The following FRMD4A variants were observed in gnomAD, a reference collection of about 807,000 sequenced individuals.
The protein encoded by FRMD4A is FERM domain containing 4A.
In FRMD4A, 29 loss-of-function variants were observed where a neutral mutation model predicts 129.1. The ratio of observed to expected loss-of-function variants is 0.22; its 90% CI spans 0.17 to 0.31. The LOEUF is 0.31. FRMD4A is among the 10% of genes least tolerant of loss of function. The probability of loss-of-function intolerance (pLI) is 1.00; values close to 1 mark genes in which losing one functional copy is unlikely to be tolerated. For synonymous variants in FRMD4A, 634 were observed against 571.6 expected (o/e 1.11, Z -1.56); for missense variants, 1,272 against 1,375.8 (o/e 0.92, Z 1.19).
In FRMD4A at chr10:14,251,246, G is replaced by A. The variant is rs141401053; in HGVS notation, c.45+78812C>T. ...GCAGAAGTCAAGGAGTGTCACTTCTGGGATTTGATTATAAAAAGATTTTAG... is the reference window on the plus strand; with the variant it reads ...GCAGAAGTCAAGGAGTGTCACTTCTAGGATTTGATTATAAAAAGATTTTAG... On this transcript the variant is annotated intron_variant, in intron 2 of 24. Transcript: ENST00000357447. 2.6e-4 allele frequency among the ~76,000 whole-genome samples: 40 copies of A among 152,242 alleles called. 1 individual carries two copies. In the East Asian group the frequency reaches 7.3e-3, roughly 28 times the overall value.
At chr10:13,759,188 C>G (rs1440659582) in intron 8 of FRMD4A, among the ~76,000 whole-genome samples, 3 of 152,192 alleles carry the variant, frequency 2.0e-5, no homozygotes, top group Non-Finnish European at 4.4e-5. Context: ...TGTCTGACCT[C>G]TCCCCTCTCC....
intron 2 of FRMD4A, among the ~76,000 whole-genome samples, chr10:13,916,827 A>T (rs2095013335): frequency 6.6e-6 from 1 of 151,398 alleles, no homozygotes; most frequent in African/African-American, 2.5e-5. Flanking sequence ...TGTTTTTAGG[A>T]GAAGAAGAAA....
At chr10:13,884,162 A>ACACACACACACTCACACG (rs781772320) in intron 2 of FRMD4A, among the ~76,000 whole-genome samples, 65 of 16,304 alleles carry the variant, frequency 4.0e-3, no homozygotes, top group East Asian at 0.012. Flanking sequence ...ACTCTCACAC[A>ACACACACACACTCACACG]CACACTCACA....
At chr10:13,769,209 T>TTGTGTG (rs10558943) in intron 6 of FRMD4A, among the ~76,000 whole-genome samples, 1,893 of 145,152 alleles carry the variant, frequency 0.013, 76 homozygotes, top group South Asian at 0.11. Context: ...AAGAGATGGG[T>TTGTGTG]TGTGTGTGTG....
In FRMD4A at chr10:14,039,378, C is replaced by CTAT. The variant is rs1565204348; in HGVS notation, c.46-180467_46-180466insATA. Among the ~76,000 whole-genome samples the CTAT allele has an allele frequency of 2.1e-3, 294 of 137,776 alleles. 1 individual carries two copies. Among genetic ancestry groups the CTAT allele is most frequent in the African/African-American group, 6.6e-3 (231 of 34,876 alleles). 90.4% of individuals were successfully genotyped at this position (137,776 alleles called of 152,430 possible). ...CTGATCTGTCCGTCCGTCCATCCAT[C>CTAT]CATCCATCCATCCATCCATCCATCC... On this transcript the variant is annotated intron_variant, in intron 2 of 24. Transcript: ENST00000357447.
At chr10:14,276,991 A>G (rs976051756) in intron 2 of FRMD4A, among the ~76,000 whole-genome samples, 1 of 152,122 alleles carries the variant, frequency 6.6e-6, no homozygotes, top group African/African-American at 2.4e-5. Flanking sequence ...CAGCCTCCCA[A>G]GTAGCTGAGA....
chr10:13,944,615 C>T (rs1007654883), intron 2 of FRMD4A, among the ~76,000 whole-genome samples: 3 of 152,122 alleles, frequency 2.0e-5, no homozygotes, highest in African/African-American at 4.8e-5. Flanking sequence ...TGGGACCATA[C>T]ACCCTTCAAC....
intron 16 of FRMD4A, among the ~76,000 whole-genome samples, chr10:13,672,302 A>G (rs1314441197): frequency 6.6e-6 from 1 of 151,956 alleles, no homozygotes; most frequent in Admixed American, 6.5e-5. Flanking sequence ...TTCTTTAAAA[A>G]AAAAATGTGG....
chr10:14,284,900 C>A (rs1359582036), intron 2 of FRMD4A, among the ~76,000 whole-genome samples: 1 of 152,144 alleles, frequency 6.6e-6, no homozygotes, highest in Non-Finnish European at 1.5e-5. Context: ...TTCTCTTATA[C>A]CCGCAGGAGG....
At chr10:14,266,248 G>C in intron 2 of FRMD4A, among the ~76,000 whole-genome samples, 1 of 152,052 alleles carries the variant, frequency 6.6e-6, no homozygotes, top group East Asian at 1.9e-4. Flanking sequence ...TAGTGCCCCC[G>C]AATTGTGACA....
At chr10:14,043,277 G>A (rs1833857809) in intron 2 of FRMD4A, among the ~76,000 whole-genome samples, 1 of 152,112 alleles carries the variant, frequency 6.6e-6, no homozygotes, top group Non-Finnish European at 1.5e-5. Flanking sequence ...CTAGCCATAT[G>A]TCCCATGTTA....
chr10:13,776,448 A>T (rs114588350), intron 6 of FRMD4A, among the ~76,000 whole-genome samples: 514 of 152,316 alleles, frequency 3.4e-3, no homozygotes, highest in African/African-American at 0.012. Flanking sequence ...AACAACCTAA[A>T]AGTGAATCAA....
chr10:14,185,761 C>T (rs187895649), intron 2 of FRMD4A, among the ~76,000 whole-genome samples: 4 of 152,250 alleles, frequency 2.6e-5, no homozygotes, highest in African/African-American at 9.6e-5. Flanking sequence ...AGGCTAGTAC[C>T]AGCCAAAGCA....
At chr10:13,793,332 T>C (rs1172573986) in intron 5 of FRMD4A, among the ~76,000 whole-genome samples, 1 of 152,060 alleles carries the variant, frequency 6.6e-6, no homozygotes, top group Non-Finnish European at 1.5e-5. Context: ...CCATCATTCC[T>C]AGCTAATTTT....
chr10:14,287,921 C>T (rs549152010), intron 2 of FRMD4A, among the ~76,000 whole-genome samples: 16 of 151,944 alleles, frequency 1.1e-4, no homozygotes, highest in Non-Finnish European at 1.9e-4. Flanking sequence ...AGCTCTTATC[C>T]AAAAATCTCA....
Position 13,813,101 on chromosome 10 carries a change from G to A in FRMD4A, c.112-2193C>T, listed in dbSNP as rs571520874. Among the ~76,000 whole-genome samples, 4 of 152,356 alleles carry A rather than the reference G, an allele frequency of 2.6e-5. No homozygotes were observed. In the East Asian group the frequency reaches 7.7e-4, roughly 29 times the overall value. ...AAGTATTCGGCTGCCCAATAACAAA[G>A]GCTTTGCTGGATCACTTGTGACTAT... is the stretch of plus-strand genomic sequence containing the variant. On this transcript the variant is annotated intron_variant, in intron 3 of 24. Transcript: ENST00000357447.
chr10:13,739,986 G>C (rs887096129), intron 11 of FRMD4A, among the ~76,000 whole-genome samples: 1 of 152,210 alleles, frequency 6.6e-6, no homozygotes, highest in Non-Finnish European at 1.5e-5. Context: ...TGTAATCCCA[G>C]CTACTCAGGA....
At chr10:13,655,930 T>C (rs1202570025) in intron 22 of FRMD4A, 2 of 152,088 alleles carry the variant, frequency 1.3e-5, no homozygotes, top group African/African-American at 4.8e-5. Context: ...CTTAAGGGAA[T>C]GAGTGGTTTC....
At chr10:14,008,029 T>G in intron 2 of FRMD4A, 1 of 1,296,896 alleles carries the variant, frequency 7.7e-7, no homozygotes, top group Non-Finnish European at 1.0e-6. Context: ...TTGGAGCAAC[T>G]GAGAAGCAAA....
Sources: allele counts gnomAD v4.1 joint callset (sites outside exome capture counted in the v4.1 genomes callset), GRCh38; gene constraint gnomAD v4.1.1; transcripts MANE v1.5; gene names NCBI Gene and HGNC (gene_info 2026-07-23, HGNC 2026-07-21).